CD99L2: variants seen among roughly 807,000 people sequenced by gnomAD.
CD99L2 encodes the protein CD99 antigen-like protein 2.
In CD99L2, 24 loss-of-function variants were observed where a neutral mutation model predicts 27.3. The ratio of observed to expected loss-of-function variants is 0.88; its 90% CI spans 0.64 to 1.24. The LOEUF (loss-of-function observed/expected upper bound fraction) is 1.24, where lower values mean the gene tolerates loss of function less well. CD99L2 is among the 50% of genes most tolerant of loss of function. CD99L2 has a pLI of 0.00. For synonymous variants in CD99L2, 97 were observed against 87.9 expected (o/e 1.10, Z -0.58); for missense variants, 255 against 221.6 (o/e 1.15, Z -0.96).
At chrX:150,897,482 C>A (rs1380551307) in intron 1 of CD99L2, among the ~76,000 whole-genome samples, 2 of 111,383 alleles carry the variant, frequency 1.8e-5, no homozygotes, top group Non-Finnish European at 3.8e-5. Context: ...TTCCAGTGTT[C>A]CTTTATGTGA....
intron 4 of CD99L2, among the ~76,000 whole-genome samples, chrX:150,809,827 G>C (rs976322391): frequency 1.8e-5 from 2 of 111,938 alleles, no homozygotes; most frequent in Non-Finnish European, 3.8e-5. Context: ...ATTAATATCA[G>C]ATAAATGAGA....
chrX:150,784,024 G>A (rs1355619227), intron 7 of CD99L2, among the ~76,000 whole-genome samples: 12 of 111,622 alleles, frequency 1.1e-4, no homozygotes, highest in African/African-American at 3.9e-4. Context: ...TGCAGATAAC[G>A]AAGGAGAGGG....
At chrX:150,836,451 C>G (rs1326887598) in intron 1 of CD99L2, among the ~76,000 whole-genome samples, 5 of 108,687 alleles carry the variant, frequency 4.6e-5, no homozygotes, top group African/African-American at 1.3e-4. Flanking sequence ...CCTCAGCCCC[C>G]CAAGTAGCTG....
At chrX:150,782,836 G>T (rs1028773972) in intron 7 of CD99L2, among the ~76,000 whole-genome samples, 7 of 110,848 alleles carry the variant, frequency 6.3e-5, no homozygotes, top group Admixed American at 1.9e-4. Context: ...TGGGGGTTAG[G>T]GTTTCAACAC....
chrX:150,824,215 G>GGAGGAA (rs1279423687), intron 2 of CD99L2, among the ~76,000 whole-genome samples: 1 of 67,901 alleles, frequency 1.5e-5, no homozygotes, highest in Non-Finnish European at 2.7e-5. Context: ...AGGAAGAGGA[G>GGAGGAA]GAGGAAGAGG....
chrX:150,824,129 A>AGGAGGAGGAGGAGAAGAAG (rs2046289407), intron 2 of CD99L2, among the ~76,000 whole-genome samples: 1 of 48,758 alleles, frequency 2.1e-5, no homozygotes, highest in African/African-American at 9.6e-5. Context: ...AGGAAGGAGG[A>AGGAGGAGGAGGAGAAGAAG]GGAGGAGGAG....
At chrX:150,782,702 T>C (rs782651972) in intron 7 of CD99L2, among the ~76,000 whole-genome samples, 1 of 111,623 alleles carries the variant, frequency 9.0e-6, no homozygotes, top group East Asian at 2.8e-4. Context: ...CTGAAATGAA[T>C]GTGGAAATAG....
At chrX:150,784,185 C>T (rs2045559829) in intron 7 of CD99L2, among the ~76,000 whole-genome samples, 1 of 110,572 alleles carries the variant, frequency 9.0e-6, no homozygotes, top group Non-Finnish European at 1.9e-5. Flanking sequence ...CCATTTGGTT[C>T]CTTGTGTTAA....
At chrX:150,848,417 G>T (rs1251463315) in intron 1 of CD99L2, among the ~76,000 whole-genome samples, 1 of 109,903 alleles carries the variant, frequency 9.1e-6, no homozygotes, top group Non-Finnish European at 1.9e-5. Context: ...ATTGCTTAAT[G>T]ATTAGAGGTT....
intron 1 of CD99L2, among the ~76,000 whole-genome samples, chrX:150,851,346 G>A (rs1443525924): frequency 8.9e-6 from 1 of 111,981 alleles, no homozygotes; most frequent in Non-Finnish European, 1.9e-5. Flanking sequence ...CAGCTGCCAT[G>A]TCAGACACAT....
chrX:150,876,470 A>G (rs2047231420), intron 1 of CD99L2, among the ~76,000 whole-genome samples: 1 of 112,563 alleles, frequency 8.9e-6, no homozygotes, highest in Non-Finnish European at 1.9e-5. Context: ...ACAAATCAAA[A>G]TAATGGTAAG....
At chrX:150,811,592 A>G (rs1470191242) in intron 4 of CD99L2, among the ~76,000 whole-genome samples, 3 of 111,846 alleles carry the variant, frequency 2.7e-5, no homozygotes, top group Non-Finnish European at 5.6e-5. Flanking sequence ...CCAGACAAAG[A>G]CATCACAAGA....
intron 1 of CD99L2, among the ~76,000 whole-genome samples, chrX:150,869,818 G>C (rs1557422143): frequency 9.1e-6 from 1 of 110,300 alleles, no homozygotes; most frequent in African/African-American, 3.3e-5. Context: ...TAAGCAAGTA[G>C]TTTTAAAAAA....
chrX:150,777,517 C>T, intron 7 of CD99L2, 35 bp from the exon 8 acceptor site: 2 of 1,200,008 alleles, frequency 1.7e-6, no homozygotes, highest in Non-Finnish European at 2.2e-6. Context: ...GTGCCAGCGA[C>T]CAGCCAGCTC....
chrX:150,789,358 G>A (rs924326437), intron 7 of CD99L2, among the ~76,000 whole-genome samples: 56 of 111,140 alleles, frequency 5.0e-4, no homozygotes, highest in African/African-American at 1.8e-3. Flanking sequence ...CCCTGACCTC[G>A]TGATCCACCC....
intron 1 of CD99L2, among the ~76,000 whole-genome samples, chrX:150,852,665 A>G (rs116661756): frequency 0.025 from 2,758 of 110,073 alleles, 97 homozygotes; most frequent in African/African-American, 0.087. Flanking sequence ...TTCTGTCTCT[A>G]TAGATTTGCC....
At chrX:150,850,702 T>C (rs983518791) in intron 1 of CD99L2, among the ~76,000 whole-genome samples, 12 of 112,529 alleles carry the variant, frequency 1.1e-4, no homozygotes, top group African/African-American at 3.9e-4. Context: ...CTCAACTACT[T>C]GCACAGGCCA....
At chrX:150,822,906 C>T (rs1055608950) in intron 2 of CD99L2, among the ~76,000 whole-genome samples, 2 of 112,128 alleles carry the variant, frequency 1.8e-5, no homozygotes, top group East Asian at 5.6e-4. Context: ...ATAATCCCCA[C>T]GTGTCATGGG....
chrX:150,854,101 A>G (rs782492589), intron 1 of CD99L2, among the ~76,000 whole-genome samples: 33 of 110,698 alleles, frequency 3.0e-4, no homozygotes, highest in African/African-American at 1.0e-3. Flanking sequence ...TGCAACCCCC[A>G]CATAACAGGA....
Sources: allele counts gnomAD v4.1 joint callset (sites outside exome capture counted in the v4.1 genomes callset), GRCh38; gene constraint gnomAD v4.1.1; transcripts MANE v1.5; gene names NCBI Gene and HGNC (gene_info 2026-07-23, HGNC 2026-07-21).